STAT1: variants seen among roughly 807,000 people sequenced by gnomAD.
STAT1 encodes signal transducer and activator of transcription 1-alpha/beta.
Under a neutral mutation model 111.7 loss-of-function variants are expected in STAT1, and 24 were observed. The ratio of observed to expected loss-of-function variants is 0.21; its 90% CI spans 0.16 to 0.30. The LOEUF is 0.30. Among genes scored for constraint, STAT1 ranks in the 10% least tolerant of loss-of-function variants. The pLI is 1.00. For synonymous variants in STAT1, 332 were observed against 326.5 expected (o/e 1.02, Z -0.18); for missense variants, 351 against 911.9 (o/e 0.38, Z 7.92).
intron 4 of STAT1, 90 bp downstream of exon 4, chr2:191,008,873 G>T: frequency 7.2e-7 from 1 of 1,382,488 alleles, no homozygotes. Context: ...ATACCAATAA[G>T]TGTGTGCTCA....
Position 190,996,447 on chromosome 2 carries a change from A to G in STAT1, c.786-1228T>C, listed in dbSNP as rs1693862473. On this transcript the variant is annotated intron_variant, in intron 9 of 24. Transcript: ENST00000361099. The surrounding 1 kb of genome is among the most constrained non-coding windows in gnomAD (Gnocchi z 4.5). ...CGGAGAAGCTAAACCAGTGTCCCCA[A>G]CTCTGCTTGCACACAGAGAAAATGA... Among the ~76,000 whole-genome samples, 1 of 152,174 alleles carries G rather than the reference A, an allele frequency of 6.6e-6. No homozygotes were observed. The highest frequency in any genetic ancestry group is 1.5e-5 in the Non-Finnish European group (1 of 68,020).
chr2:191,003,132 C>G lies in STAT1; in HGVS notation c.373-1969G>C, dbSNP rs1310260320. 6.6e-6 allele frequency among the ~76,000 whole-genome samples: 1 copy of G among 152,108 alleles called. No homozygotes were observed. Among genetic ancestry groups the G allele is most frequent in the Non-Finnish European group, 1.5e-5 (1 of 68,014 alleles). ...TCAGGCATACGTCATCAAAGTTATTCTCTCTTCATAGGAAGTTTTCCTTCA... is the reference window on the plus strand; with the variant it reads ...TCAGGCATACGTCATCAAAGTTATTGTCTCTTCATAGGAAGTTTTCCTTCA... On this transcript the variant is annotated intron_variant, in intron 5 of 24. Transcript: ENST00000361099. This position sits in a 1 kb window ranked among gnomAD's most constrained non-coding sequence, Gnocchi z 4.0.
intron 5 of STAT1, among the ~76,000 whole-genome samples, chr2:191,001,737 G>C (rs1035458156): frequency 1.3e-5 from 2 of 152,036 alleles, no homozygotes; most frequent in African/African-American, 4.8e-5. Context: ...GACTTGCCTG[G>C]GAGTATTCAG....
chr2:190,991,188 G>A (rs112873836), intron 11 of STAT1, 40 bp downstream of exon 11: 15 of 1,591,032 alleles, frequency 9.4e-6, no homozygotes, highest in East Asian at 4.5e-5. Flanking sequence ...TACAAACTAC[G>A]TGACAGGTGA....
In STAT1 at chr2:190,998,205, G is replaced by A; in HGVS notation, c.633+12C>T. On this transcript the variant is annotated intron_variant, in intron 8 of 24. Transcript: ENST00000361099. The surrounding 1 kb of genome is among the most constrained non-coding windows in gnomAD (Gnocchi z 4.1). ...CAAAAGTGGCATGCTATTCTGGAAA[G>A]TAAATAACTACCTTTCTCTTATTGT... 2 of 1,609,412 alleles carry A rather than the reference G, an allele frequency of 1.2e-6. No homozygotes were observed. The highest frequency in any genetic ancestry group is 1.7e-6 in the Non-Finnish European group (2 of 1,176,050).
chr2:190,971,140 C>A lies in STAT1; in HGVS notation c.2239-423G>T, dbSNP rs1490765820. The stretch of plus-strand genomic sequence containing the variant: ...GCCACTCAGTGGGTAAAATCAATGA[C>A]TGTGTTTCAGGTACAGACTAAAGAA... On this transcript the variant is annotated intron_variant, in intron 24 of 24. Transcript: ENST00000361099. The surrounding 1 kb of genome is among the most constrained non-coding windows in gnomAD (Gnocchi z 4.1). 6.6e-6 allele frequency among the ~76,000 whole-genome samples: 1 copy of A among 152,190 alleles called. No individual in the cohort carries two copies. The highest frequency in any genetic ancestry group is 1.9e-4 in the East Asian group (1 of 5,198).
At position 191,013,510 on chromosome 2, in the gene STAT1, T is replaced by C. The variant is rs368690536; in HGVS notation, c.-2+15A>G. On this transcript the variant is annotated intron_variant, in intron 2 of 24. Transcript: ENST00000361099. Reference sequence around the variant, plus strand: ...TCATGTACTCATTCATCTGATTCCATGAACATTTACTGACCTGCCACCTTG... The same window carrying C: ...TCATGTACTCATTCATCTGATTCCACGAACATTTACTGACCTGCCACCTTG... 2 of 397,636 alleles carry C rather than the reference T, an allele frequency of 5.0e-6. No individual in the cohort carries two copies. The highest frequency in any genetic ancestry group is 4.1e-5 in the African/African-American group (2 of 48,624). The allele number at this position is 397,636 out of a possible 1,614,324, so 24.6% of individuals were successfully genotyped here.
Position 190,971,111 on chromosome 2 carries a change from A to T in STAT1, c.2239-394T>A, listed in dbSNP as rs1251961185. 3.3e-5 allele frequency among the ~76,000 whole-genome samples: 5 copies of T among 152,216 alleles called. No homozygotes were observed. The highest frequency in any genetic ancestry group is 1.2e-4 in the African/African-American group (5 of 41,446). ...GAGAGGGAAATGATACACTTCCCCTAAAGGCCACTCAGTGGGTAAAATCAA... is the reference window on the plus strand; with the variant it reads ...GAGAGGGAAATGATACACTTCCCCTTAAGGCCACTCAGTGGGTAAAATCAA... On this transcript the variant is annotated intron_variant, in intron 24 of 24. Coordinates refer to ENST00000361099, the MANE Select transcript of STAT1 (RefSeq NM_007315.4). The surrounding 1 kb of genome is among the most constrained non-coding windows in gnomAD (Gnocchi z 4.1).
Position 190,998,605 on chromosome 2 carries a change from T to C in STAT1, c.542-297A>G, listed in dbSNP as rs1043037945. Among the ~76,000 whole-genome samples, 1 of 150,184 alleles carries C rather than the reference T, an allele frequency of 6.7e-6. No individual in the cohort carries two copies. The highest frequency in any genetic ancestry group is 1.5e-5 in the Non-Finnish European group (1 of 67,692). ...TGAACCCGGGAGGCGGAGCTTGGAG[T>C]GAGCCGAGATCTCGCCACTGCACTC... On this transcript the variant is annotated intron_variant, in intron 7 of 24. Transcript: ENST00000361099. The surrounding 1 kb of genome is among the most constrained non-coding windows in gnomAD (Gnocchi z 4.1).
In STAT1 at chr2:190,990,421, T is replaced by C. The variant is rs947784625; in HGVS notation, c.1038-747A>G. Among the ~76,000 whole-genome samples the C allele has an allele frequency of 1.3e-5, 2 of 152,228 alleles. No homozygotes were observed. Among genetic ancestry groups the C allele is most frequent in the Non-Finnish European group, 2.9e-5 (2 of 68,032 alleles). On this transcript the variant is annotated intron_variant, in intron 11 of 24. Coordinates refer to ENST00000361099, the MANE Select transcript of STAT1 (RefSeq NM_007315.4). This position sits in a 1 kb window ranked among gnomAD's most constrained non-coding sequence, Gnocchi z 5.1. Reference sequence around the variant, plus strand: ...CAACTATGAAGGCCAGTCCAGTTCTTCAGCGTCTAGCTACTCATCATAAGA... The same window carrying C: ...CAACTATGAAGGCCAGTCCAGTTCTCCAGCGTCTAGCTACTCATCATAAGA...
chr2:191,007,863 A>T lies in STAT1; in HGVS notation c.274-202T>A. On this transcript the variant is annotated intron_variant, in intron 4 of 24. Coordinates refer to ENST00000361099, the MANE Select transcript of STAT1 (RefSeq NM_007315.4). This position sits in a 1 kb window ranked among gnomAD's most constrained non-coding sequence, Gnocchi z 4.2. ...AAAATTGCTTTAACTTTCTAAGTGC[A>T]GGTACCTAACGTACTTTTTGATTTA... 1 of 604,320 alleles carries T rather than the reference A, an allele frequency of 1.7e-6. No individual in the cohort carries two copies. Among genetic ancestry groups the T allele is most frequent in the South Asian group, 1.9e-5 (1 of 53,480 alleles). 37.4% of individuals were successfully genotyped at this position (604,320 alleles called of 1,614,324 possible).
intron 10 of STAT1, chr2:190,992,564 A>G (rs1378735624): frequency 6.8e-6 from 3 of 441,576 alleles, no homozygotes; most frequent in African/African-American, 2.1e-5. Context: ...ATACAGTACA[A>G]TTCAGGCAAT....
At position 190,969,335 on chromosome 2, in the gene STAT1, A is replaced by G. The variant is rs1691283251; in HGVS notation, c.*1368T>C. 6.6e-6 allele frequency: 1 copy of G among 152,184 alleles called. No individual in the cohort carries two copies. Among genetic ancestry groups the G allele is most frequent in the Admixed American group, 6.5e-5 (1 of 15,276 alleles). 9.4% of individuals were successfully genotyped at this position (152,184 alleles called of 1,614,324 possible). A position where few individuals can be genotyped will look rare whatever the true frequency, so the allele number is the denominator to read the frequency against. ...ATGCAATACAGATACTTTAGCTTTA[A>G]TTTTAAAACAAAACTCAAGAAATCT... On this transcript the variant is annotated 3_prime_UTR_variant, in exon 25 of 25. Coordinates refer to ENST00000361099, the MANE Select transcript of STAT1 (RefSeq NM_007315.4).
At chr2:191,011,518 G>C (rs983887933) in intron 2 of STAT1, among the ~76,000 whole-genome samples, 3 of 152,174 alleles carry the variant, frequency 2.0e-5, no homozygotes, top group Non-Finnish European at 4.4e-5. Flanking sequence ...CCCTGGACTA[G>C]AGCAATCCTC....
In STAT1 at chr2:191,006,225, G is replaced by A. The variant is rs187006906; in HGVS notation, c.372+1338C>T. Among the ~76,000 whole-genome samples, 2 of 152,166 alleles carry A rather than the reference G, an allele frequency of 1.3e-5. No individual in the cohort carries two copies. Among genetic ancestry groups the A allele is most frequent in the East Asian group, 1.9e-4 (1 of 5,194 alleles). ...GAAGCCCCATATAATCAAAACTGCC[G>A]GCTGAAAATCTCCCAGGTATATGCC... is the stretch of plus-strand genomic sequence containing the variant. On this transcript the variant is annotated intron_variant, in intron 5 of 24. Coordinates refer to ENST00000361099, the MANE Select transcript of STAT1 (RefSeq NM_007315.4). This position sits in a 1 kb window ranked among gnomAD's most constrained non-coding sequence, Gnocchi z 4.6.
rs1692606566 is a variant in STAT1 at position 190,984,250 on chromosome 2, A to C, written c.1347+60T>G. ...AACAAACACTGAGAAATAAAAATAC[A>C]TGTAACAATTAAAAGTAAAAATAAT... On this transcript the variant is annotated intron_variant, in intron 16 of 24. Coordinates refer to ENST00000361099, the MANE Select transcript of STAT1 (RefSeq NM_007315.4). This position sits in a 1 kb window ranked among gnomAD's most constrained non-coding sequence, Gnocchi z 5.2. 2 of 1,326,002 alleles carry C rather than the reference A, an allele frequency of 1.5e-6. No individual in the cohort carries two copies. The highest frequency in any genetic ancestry group is 4.6e-5 in the East Asian group (2 of 43,434). The allele number at this position is 1,326,002 out of a possible 1,614,324, so 82.1% of individuals were successfully genotyped here.
chr2:190,987,864 C>A lies in STAT1; in HGVS notation c.1098-796G>T, dbSNP rs550169907. ...TAGCTATGGAAGGGACCTATTTTCC[C>A]GTTTGGAAAAAAAAAGAATTTAAAA... On this transcript the variant is annotated intron_variant, in intron 12 of 24. Coordinates refer to ENST00000361099, the MANE Select transcript of STAT1 (RefSeq NM_007315.4). This position sits in a 1 kb window ranked among gnomAD's most constrained non-coding sequence, Gnocchi z 4.0. Among the ~76,000 whole-genome samples, 1 of 151,886 alleles carries A rather than the reference C, an allele frequency of 6.6e-6. No individual in the cohort carries two copies. The highest frequency in any genetic ancestry group is 1.5e-5 in the Non-Finnish European group (1 of 67,990).
Position 190,999,325 on chromosome 2 carries a change from G to C in STAT1, c.541+301C>G, listed in dbSNP as rs983142876. ...GGTCACTGACCCCTAGGGGACTTTTGGCAATCTCTGGAGACAGTTTTGGTT... is the reference window on the plus strand; with the variant it reads ...GGTCACTGACCCCTAGGGGACTTTTCGCAATCTCTGGAGACAGTTTTGGTT... On this transcript the variant is annotated intron_variant, in intron 7 of 24. Transcript: ENST00000361099. This position sits in a 1 kb window ranked among gnomAD's most constrained non-coding sequence, Gnocchi z 4.1. Among the ~76,000 whole-genome samples, 6 of 152,050 alleles carry C rather than the reference G, an allele frequency of 3.9e-5. No individual in the cohort carries two copies. The highest frequency in any genetic ancestry group is 8.8e-5 in the Non-Finnish European group (6 of 68,008).
chr2:190,973,422 T>C lies in STAT1; in HGVS notation c.2238+1408A>G, dbSNP rs1691654858. Among the ~76,000 whole-genome samples the C allele has an allele frequency of 2.0e-5, 3 of 152,122 alleles. No individual in the cohort carries two copies. The highest frequency in any genetic ancestry group is 2.1e-4 in the South Asian group (1 of 4,828). ...TAACAATAACACCTAACTCAGAAGG[T>C]GGCTGTGAGGACTGAATGAGTTACT... On this transcript the variant is annotated intron_variant, in intron 24 of 24. Transcript: ENST00000361099. The surrounding 1 kb of genome is among the most constrained non-coding windows in gnomAD (Gnocchi z 4.4).
Sources: allele counts gnomAD v4.1 joint callset (sites outside exome capture counted in the v4.1 genomes callset), GRCh38; gene constraint gnomAD v4.1.1; non-coding constraint Gnocchi (gnomAD v3.1); transcripts MANE v1.5; gene names NCBI Gene and HGNC (gene_info 2026-07-23, HGNC 2026-07-21).